PLCG1: variants seen among roughly 807,000 people sequenced by gnomAD.
The protein encoded by PLCG1 is 1-phosphatidylinositol 4,5-bisphosphate phosphodiesterase gamma-1.
A neutral mutation model predicts 177.8 loss-of-function variants in PLCG1; 71 were observed. That is an observed-to-expected ratio of 0.40 (90% CI 0.33 to 0.49). PLCG1 has a LOEUF of 0.49. Among genes scored for constraint, PLCG1 ranks in the 20% least tolerant of loss-of-function variants. PLCG1 has a pLI of 0.72. For missense variants in PLCG1, 1,281 were observed against 1,709.0 expected (o/e 0.75, Z 4.42); for synonymous variants, 658 against 647.9 (o/e 1.02, Z -0.24).
At position 41,147,057 on chromosome 20, in the gene PLCG1, AC is replaced by A. The variant is rs981337763; in HGVS notation, c.217+9202del. Among the ~76,000 whole-genome samples, 3 of 151,968 alleles carry A rather than the reference AC, an allele frequency of 2.0e-5. No homozygotes were observed. Among genetic ancestry groups the A allele is most frequent in the African/African-American group, 7.3e-5 (3 of 41,332 alleles). ...ATGGTCCTTCTCTGAGGCACTGAAG[AC>A]CCACTTTATGGTCACCCTATTCTGC... On this transcript the variant is annotated intron_variant, in intron 1 of 31. Transcript: ENST00000685551. This position sits in a 1 kb window ranked among gnomAD's most constrained non-coding sequence, Gnocchi z 4.0.
chr20:41,149,363 T>C (rs2035094897), intron 1 of PLCG1, among the ~76,000 whole-genome samples: 1 of 152,198 alleles, frequency 6.6e-6, no homozygotes, highest in Non-Finnish European at 1.5e-5. Flanking sequence ...CAGTGGGACT[T>C]CTCAGAGGGC....
rs144806663 is a variant in PLCG1 at position 41,147,804 on chromosome 20, C to T, written c.217+9946C>T. On this transcript the variant is annotated intron_variant, in intron 1 of 31. Coordinates refer to ENST00000685551, the MANE Select transcript of PLCG1 (RefSeq NM_002660.3). This position sits in a 1 kb window ranked among gnomAD's most constrained non-coding sequence, Gnocchi z 4.0. ...CAGAGGTTGCAGTGAGCCAAGATCG[C>T]GCCATTGCACTCCAGCCTGGGTGAC... Among the ~76,000 whole-genome samples the T allele has an allele frequency of 5.4e-3, 825 of 151,632 alleles. 8 individuals carry two copies. Among genetic ancestry groups the T allele is most frequent in the African/African-American group, 0.017 (697 of 41,330 alleles).
chr20:41,176,465 T>C lies in PLCG1; in HGVS notation c.*1956T>C, dbSNP rs913869102. ...TCCTATCAGAGAAGGAAGAGGACTG[T>C]GTAGGCCCTTCTGTTAGGGCCCATC... is the stretch of plus-strand genomic sequence containing the variant. On this transcript the variant is annotated 3_prime_UTR_variant, in exon 32 of 32. Coordinates refer to ENST00000685551, the MANE Select transcript of PLCG1 (RefSeq NM_002660.3). The C allele has an allele frequency of 1.3e-5, 2 of 152,228 alleles. No homozygotes were observed. The highest frequency in any genetic ancestry group is 6.5e-5 in the Admixed American group (1 of 15,282). 9.4% of individuals were successfully genotyped at this position (152,228 alleles called of 1,614,324 possible). A position where few individuals can be genotyped will look rare whatever the true frequency, so the allele number is the denominator to read the frequency against.
Position 41,167,638 on chromosome 20 carries a change from T to C in PLCG1, c.2302-214T>C, listed in dbSNP as rs2035745347. 3.5e-6 allele frequency: 2 copies of C among 575,390 alleles called. No individual in the cohort carries two copies. Among genetic ancestry groups the C allele is most frequent in the African/African-American group, 1.9e-5 (1 of 53,242 alleles). 35.6% of individuals were successfully genotyped at this position (575,390 alleles called of 1,614,324 possible). A position where few individuals can be genotyped will look rare whatever the true frequency, so the allele number is the denominator to read the frequency against. ...CCTGAGAGATTTTAGAATCCTGGGC[T>C]GGGCCTTACATGTAAGAATGTGAAG... On this transcript the variant is annotated intron_variant, in intron 19 of 31. Coordinates refer to ENST00000685551, the MANE Select transcript of PLCG1 (RefSeq NM_002660.3). The surrounding 1 kb of genome is among the most constrained non-coding windows in gnomAD (Gnocchi z 4.4).
At position 41,147,824 on chromosome 20, in the gene PLCG1, G is replaced by A. The variant is rs1468859360; in HGVS notation, c.217+9966G>A. Among the ~76,000 whole-genome samples, 1 of 151,878 alleles carries A rather than the reference G, an allele frequency of 6.6e-6. No individual in the cohort carries two copies. The highest frequency in any genetic ancestry group is 1.5e-5 in the Non-Finnish European group (1 of 67,988). ...GATCGCGCCATTGCACTCCAGCCTGGGTGACAGAGCAAGACTCTGTCTCTT... is the reference window on the plus strand; with the variant it reads ...GATCGCGCCATTGCACTCCAGCCTGAGTGACAGAGCAAGACTCTGTCTCTT... On this transcript the variant is annotated intron_variant, in intron 1 of 31. Transcript: ENST00000685551. The surrounding 1 kb of genome is among the most constrained non-coding windows in gnomAD (Gnocchi z 4.0).
chr20:41,142,756 T>C (rs562307535), intron 1 of PLCG1, among the ~76,000 whole-genome samples: 1 of 152,340 alleles, frequency 6.6e-6, no homozygotes, highest in South Asian at 2.1e-4. Context: ...GCATTTATTT[T>C]ATAAGGTTTT....
At position 41,154,748 on chromosome 20, in the gene PLCG1, A is replaced by G. The variant is rs34589471; in HGVS notation, c.218-4858A>G. On this transcript the variant is annotated intron_variant, in intron 1 of 31. Transcript: ENST00000685551. ...AGGTTCCAGACTGGCTGCCCGCCAT[A>G]TAGCTTGTCCCTTCGACAGCACCCT... Among the ~76,000 whole-genome samples, 1,432 of 152,220 alleles carry G rather than the reference A, an allele frequency of 9.4e-3. 11 individuals are homozygous for G. Among genetic ancestry groups the G allele is most frequent in the Non-Finnish European group, 0.015 (1,043 of 67,992 alleles).
chr20:41,170,347 G>T (rs1322185092), intron 24 of PLCG1, 78 bp downstream of exon 24: 1 of 1,528,414 alleles, frequency 6.5e-7, no homozygotes, highest in Non-Finnish European at 9.0e-7. Context: ...CCCAGCACAG[G>T]CCCCCTCAGA....
intron 1 of PLCG1, among the ~76,000 whole-genome samples, chr20:41,142,146 C>T (rs1382906036): frequency 6.6e-6 from 1 of 152,186 alleles, no homozygotes. Context: ...AATATAAAGG[C>T]CTCTACCAAG....
At position 41,166,908 on chromosome 20, in the gene PLCG1, C is replaced by G. The variant is rs927834875; in HGVS notation, c.2301+49C>G. On this transcript the variant is annotated intron_variant, in intron 19 of 31. Transcript: ENST00000685551. The surrounding 1 kb of genome is among the most constrained non-coding windows in gnomAD (Gnocchi z 8.6). Reference sequence around the variant, plus strand: ...GCATGGCAGGGGAGGCAGGAGAGACCCAGAATCTTACCAGTCTCTGGATGT... The same window carrying G: ...GCATGGCAGGGGAGGCAGGAGAGACGCAGAATCTTACCAGTCTCTGGATGT... 3 of 1,538,330 alleles carry G rather than the reference C, an allele frequency of 2.0e-6. No individual in the cohort carries two copies. The highest frequency in any genetic ancestry group is 1.8e-6 in the Non-Finnish European group (2 of 1,113,444).
intron 20 of PLCG1, among the ~76,000 whole-genome samples, 200 bp downstream of exon 20, chr20:41,168,129 C>T (rs1416496970): frequency 1.3e-5 from 2 of 152,172 alleles, no homozygotes; most frequent in African/African-American, 4.8e-5. Flanking sequence ...TAGCCCCTAC[C>T]CCTTAAGTCA....
chr20:41,169,261 C>G, intron 22 of PLCG1, 86 bp downstream of exon 22: 2 of 1,060,938 alleles, frequency 1.9e-6, no homozygotes, highest in Non-Finnish European at 2.9e-6. Flanking sequence ...CAAGCACGCA[C>G]GTGCATGCAC....
chr20:41,165,948 G>A lies in PLCG1; in HGVS notation c.1799+122G>A, dbSNP rs533236523. ...CAGGACAATAATTAGGCTTTACATG[G>A]AACATAATTTCACCTACATACACAC... On this transcript the variant is annotated intron_variant, in intron 16 of 31. Coordinates refer to ENST00000685551, the MANE Select transcript of PLCG1 (RefSeq NM_002660.3). The surrounding 1 kb of genome is among the most constrained non-coding windows in gnomAD (Gnocchi z 6.6). 2.3e-6 allele frequency: 2 copies of A among 855,842 alleles called. No individual in the cohort carries two copies. The highest frequency in any genetic ancestry group is 3.6e-6 in the Non-Finnish European group (2 of 558,384). The allele number at this position is 855,842 out of a possible 1,614,324, so 53.0% of individuals were successfully genotyped here.
rs192097428 is a variant in PLCG1, at chr20:41,173,247, C to T, written c.3280-173C>T. On this transcript the variant is annotated intron_variant, in intron 27 of 31. Coordinates refer to ENST00000685551, the MANE Select transcript of PLCG1 (RefSeq NM_002660.3). The surrounding 1 kb of genome is among the most constrained non-coding windows in gnomAD (Gnocchi z 6.2). ...ACTTCAGATAAACTACAGGCAGCAG[C>T]TGCTCTGGACAGCTTAGGGTCCCTG... 8.3e-4 allele frequency among the ~76,000 whole-genome samples: 127 copies of T among 152,250 alleles called. 1 individual carries two copies. Among genetic ancestry groups the T allele is most frequent in the South Asian group, 5.2e-3 (25 of 4,830 alleles).
At chr20:41,143,120 G>A (rs896053700) in intron 1 of PLCG1, among the ~76,000 whole-genome samples, 6 of 152,216 alleles carry the variant, frequency 3.9e-5, no homozygotes, top group Non-Finnish European at 7.3e-5. Flanking sequence ...TCTGTAGAGT[G>A]AAGGTATGAT....
Position 41,173,226 on chromosome 20 carries a change from C to T in PLCG1, c.3280-194C>T, listed in dbSNP as rs1214109176. Among the ~76,000 whole-genome samples, 1 of 152,172 alleles carries T rather than the reference C, an allele frequency of 6.6e-6. No individual in the cohort carries two copies. The highest frequency in any genetic ancestry group is 1.9e-4 in the East Asian group (1 of 5,190). The stretch of plus-strand genomic sequence containing the variant: ...GAAATTTTGGCTAAAGCTCAGACTT[C>T]AGATAAACTACAGGCAGCAGCTGCT... On this transcript the variant is annotated intron_variant, in intron 27 of 31. Coordinates refer to ENST00000685551, the MANE Select transcript of PLCG1 (RefSeq NM_002660.3). This position sits in a 1 kb window ranked among gnomAD's most constrained non-coding sequence, Gnocchi z 6.2.
rs962094897 is a variant in PLCG1 at position 41,167,839 on chromosome 20, G to A, written c.2302-13G>A. On this transcript the variant is annotated splice_polypyrimidine_tract_variant and intron_variant, in intron 19 of 31. Coordinates refer to ENST00000685551, the MANE Select transcript of PLCG1 (RefSeq NM_002660.3). This position sits in a 1 kb window ranked among gnomAD's most constrained non-coding sequence, Gnocchi z 4.4. ...CTGGGGCATTAACATATCCCATTGT[G>A]TCCTGTTTCCAGGAGCCTGACTACG... The A allele has an allele frequency of 6.3e-7, 1 of 1,599,712 alleles. No individual in the cohort carries two copies. The highest frequency in any genetic ancestry group is 8.6e-7 in the Non-Finnish European group (1 of 1,167,102).
In PLCG1 at chr20:41,150,338, C is replaced by G. The variant is rs1225257273; in HGVS notation, c.218-9268C>G. Among the ~76,000 whole-genome samples, 1 of 152,180 alleles carries G rather than the reference C, an allele frequency of 6.6e-6. No individual in the cohort carries two copies. The highest frequency in any genetic ancestry group is 1.9e-4 in the East Asian group (1 of 5,200). On this transcript the variant is annotated intron_variant, in intron 1 of 31. Transcript: ENST00000685551. The surrounding 1 kb of genome is among the most constrained non-coding windows in gnomAD (Gnocchi z 4.0). Reference sequence around the variant, plus strand: ...AGAAAAATTTTAAAAGTGACTTATACCCATTGCTCTGGTTCTCCAAGTAGC... The same window carrying G: ...AGAAAAATTTTAAAAGTGACTTATAGCCATTGCTCTGGTTCTCCAAGTAGC...
Position 41,147,850 on chromosome 20 carries a change from TAA to T in PLCG1, c.217+10006_217+10007del, listed in dbSNP as rs376827069. On this transcript the variant is annotated intron_variant, in intron 1 of 31. Transcript: ENST00000685551. This position sits in a 1 kb window ranked among gnomAD's most constrained non-coding sequence, Gnocchi z 4.0. ...GTGACAGAGCAAGACTCTGTCTCTT[TAA>T]AAAAAAAAAAAAATTTAAGCTGGGC... 7.0e-6 allele frequency among the ~76,000 whole-genome samples: 1 copy of T among 142,530 alleles called. No homozygotes were observed. 93.5% of individuals were successfully genotyped at this position (142,530 alleles called of 152,430 possible). A position where few individuals can be genotyped will look rare whatever the true frequency, so the allele number is the denominator to read the frequency against.
Sources: allele counts gnomAD v4.1 joint callset (sites outside exome capture counted in the v4.1 genomes callset), GRCh38; gene constraint gnomAD v4.1.1; non-coding constraint Gnocchi (gnomAD v3.1); transcripts MANE v1.5; gene names NCBI Gene and HGNC (gene_info 2026-07-23, HGNC 2026-07-21).